The following BCAR3 variants were observed in gnomAD, a reference collection of about 807,000 sequenced individuals.
BCAR3 encodes the protein breast cancer anti-estrogen resistance protein 3.
Under a neutral mutation model 80.1 loss-of-function variants are expected in BCAR3, and 37 were observed. The ratio of observed to expected loss-of-function variants is 0.46; its 90% confidence interval spans 0.36 to 0.61. The LOEUF (loss-of-function observed/expected upper bound fraction) is 0.61, where lower values mean the gene tolerates loss of function less well. BCAR3 is among the 20% of genes least tolerant of loss of function. The pLI is 0.00. For synonymous variants in BCAR3, 389 were observed against 418.9 expected (o/e 0.93, Z 0.87); for missense variants, 978 against 1,068.2 (o/e 0.92, Z 1.18).
chr1:93,742,072 T>G (rs1334468230), intron 2 of BCAR3, among the ~76,000 whole-genome samples: 1 of 152,166 alleles, frequency 6.6e-6, no homozygotes, highest in East Asian at 1.9e-4. Flanking sequence ...GTTGTCTGGG[T>G]CTGGCATCTC....
intron 2 of BCAR3, among the ~76,000 whole-genome samples, chr1:93,819,672 G>A (rs548033303): frequency 2.6e-5 from 4 of 152,264 alleles, no homozygotes; most frequent in Non-Finnish European, 4.4e-5. Context: ...TCAGGCAGAC[G>A]CTGCTGGGTG....
At chr1:93,826,565 G>A (rs904780532) in intron 2 of BCAR3, among the ~76,000 whole-genome samples, 8 of 152,126 alleles carry the variant, frequency 5.3e-5, no homozygotes, top group East Asian at 1.9e-4. Flanking sequence ...AGGGCCTACC[G>A]TGTGCAGGAA....
chr1:93,653,893 T>G (rs1647242717), intron 2 of BCAR3, among the ~76,000 whole-genome samples: 1 of 152,122 alleles, frequency 6.6e-6, no homozygotes, highest in Non-Finnish European at 1.5e-5. Context: ...TGCAAGCTGT[T>G]CAGGAGTCAA....
intron 2 of BCAR3, among the ~76,000 whole-genome samples, chr1:93,803,356 T>A (rs148313865): frequency 6.6e-6 from 1 of 152,304 alleles, no homozygotes; most frequent in African/African-American, 2.4e-5. Flanking sequence ...CCTGCAGCAA[T>A]GCTTAGTTGA....
intron 2 of BCAR3, among the ~76,000 whole-genome samples, chr1:93,772,408 T>C (rs951685614): frequency 3.9e-5 from 6 of 152,202 alleles, no homozygotes; most frequent in Non-Finnish European, 8.8e-5. Flanking sequence ...CCAGCAGCCA[T>C]AGCTCACTCT....
chr1:93,582,472 C>T lies in BCAR3; in HGVS notation c.1515G>A (p.Val505=), dbSNP rs1673752047. 1 of 1,614,094 alleles carries T rather than the reference C, an allele frequency of 6.2e-7. No individual in the cohort carries two copies. The highest frequency in any genetic ancestry group is 8.5e-7 in the Non-Finnish European group (1 of 1,180,036). The change falls in exon 7 of 12, where the codon GTG becomes GTA. Residue 505 remains valine (V), a synonymous_variant. Coordinates refer to ENST00000260502, the MANE Select transcript of BCAR3 (RefSeq NM_003567.4). ...AGGAGACAGTCTCCAGGAGGGGCGT[C>T]ACAAACTCGCCCTTGTCCCACTGCC... The part of the protein sequence containing the change: ...EKGQWDKGEF[V]TPLLETVSSF...
chr1:93,801,850 TG>T (rs1198757494), intron 2 of BCAR3, among the ~76,000 whole-genome samples: 11 of 152,212 alleles, frequency 7.2e-5, no homozygotes, highest in African/African-American at 2.7e-4. Context: ...CCAGGCGCAG[TG>T]GCTCATGTCT....
intron 2 of BCAR3, among the ~76,000 whole-genome samples, chr1:93,810,028 A>T (rs1653778681): frequency 3.3e-5 from 5 of 149,330 alleles, no homozygotes; most frequent in Admixed American, 2.7e-4. Context: ...TAGCTCTACT[A>T]AAAAAAAATA....
chr1:93,566,777 G>C (rs991393199), intron 11 of BCAR3, among the ~76,000 whole-genome samples: 1 of 152,174 alleles, frequency 6.6e-6, no homozygotes, highest in African/African-American at 2.4e-5. Flanking sequence ...GCCCAGGCTG[G>C]AGTGCAGTGG....
At chr1:93,669,050 C>A (rs1298970561) in intron 2 of BCAR3, among the ~76,000 whole-genome samples, 3 of 151,874 alleles carry the variant, frequency 2.0e-5, no homozygotes, top group African/African-American at 7.3e-5. Flanking sequence ...CAATTTTTTT[C>A]TCCAAAAAGT....
rs745950525 is a variant in BCAR3 at position 93,567,262 on chromosome 1, C to T, written c.2299+17G>A. ...CGATACAGTGTTAGAGAACAGCTTA[C>T]AAAACCCATCTCTTACCTGCCAGGA... On this transcript the variant is annotated intron_variant, in intron 11 of 11. Transcript: ENST00000260502. The T allele has an allele frequency of 1.4e-5, 22 of 1,612,780 alleles. No individual in the cohort carries two copies. Among genetic ancestry groups the T allele is most frequent in the Non-Finnish European group, 1.7e-5 (20 of 1,179,522 alleles).
intron 2 of BCAR3, among the ~76,000 whole-genome samples, chr1:93,772,803 A>C (rs1412360892): frequency 6.6e-6 from 1 of 152,046 alleles, no homozygotes; most frequent in Non-Finnish European, 1.5e-5. Flanking sequence ...ATGGGGTTTC[A>C]CCATGTTGAC....
At chr1:93,703,257 C>G (rs1649711385) in intron 3 of BCAR3, among the ~76,000 whole-genome samples, 2 of 152,196 alleles carry the variant, frequency 1.3e-5, no homozygotes, top group Non-Finnish European at 2.9e-5. Flanking sequence ...TAACGATCAG[C>G]TGTGTGTGTA....
At chr1:93,683,036 A>G (rs1168985163), upstream of BCAR3, among the ~76,000 whole-genome samples, 1 of 152,222 alleles carries the variant, frequency 6.6e-6, no homozygotes, top group Non-Finnish European at 1.5e-5. Context: ...ATGAAAAGAC[A>G]CCACGAGTGA....
At chr1:93,679,602 A>G (rs1194342756) in intron 1 of BCAR3, among the ~76,000 whole-genome samples, 7 of 152,226 alleles carry the variant, frequency 4.6e-5, no homozygotes, top group Admixed American at 3.3e-4. Context: ...AATATTATAC[A>G]AAAGTCAAAG....
At chr1:93,823,054 C>G (rs1417156919) in intron 2 of BCAR3, among the ~76,000 whole-genome samples, 2 of 133,110 alleles carry the variant, frequency 1.5e-5, no homozygotes, top group Non-Finnish European at 3.4e-5. Flanking sequence ...GGAGGAGTGT[C>G]TCTCCTCCTG....
chr1:93,678,027 G>A (rs1349644100), intron 1 of BCAR3, among the ~76,000 whole-genome samples: 1 of 152,188 alleles, frequency 6.6e-6, no homozygotes, highest in African/African-American at 2.4e-5. Flanking sequence ...AAGGACCAAA[G>A]CAAGGAATGA....
chr1:93,772,181 G>A (rs145294629), intron 2 of BCAR3, among the ~76,000 whole-genome samples: 238 of 152,338 alleles, frequency 1.6e-3, no homozygotes, highest in African/African-American at 5.4e-3. Context: ...GAGATTCTAT[G>A]CTGAGGGCAA....
At chr1:93,709,735 T>C (rs1649953043) in intron 2 of BCAR3, among the ~76,000 whole-genome samples, 1 of 152,152 alleles carries the variant, frequency 6.6e-6, no homozygotes, top group Non-Finnish European at 1.5e-5. Context: ...TTTTTAAAAA[T>C]TGTATTTACA....
Sources: gnomAD v4.1 joint callset for allele counts (sites outside exome capture counted in the v4.1 genomes callset) on GRCh38, gnomAD v4.1.1 for gene constraint, MANE v1.5 for transcripts, NCBI Gene and HGNC (gene_info 2026-07-23, HGNC 2026-07-21) for gene names.